JAZF1: variants seen among roughly 807,000 people sequenced by gnomAD.
JAZF1 encodes juxtaposed with another zinc finger protein 1.
JAZF1 carries 8 observed loss-of-function variants against 26.4 expected under a neutral mutation model. The ratio of observed to expected loss-of-function variants is 0.30; its 90% confidence interval spans 0.18 to 0.55. The LOEUF (loss-of-function observed/expected upper bound fraction) is 0.55, where lower values mean the gene tolerates loss of function less well. Ranked by LOEUF, JAZF1 falls within the 20% of genes least tolerant of loss-of-function variation. The pLI, the probability that JAZF1 is intolerant of heterozygous loss-of-function variation, is 0.94. For missense variants in JAZF1, 199 were observed against 322.0 expected (o/e 0.62, Z 2.92); for synonymous variants, 126 against 122.3 (o/e 1.03, Z -0.20).
At chr7:28,106,027 T>C (rs577956938) in intron 1 of JAZF1, among the ~76,000 whole-genome samples, 3 of 152,342 alleles carry the variant, frequency 2.0e-5, no homozygotes, top group South Asian at 2.1e-4. Context: ...CGATCGGTTC[T>C]GCTAGGATCC....
chr7:28,128,383 G>A (rs1468495769), intron 1 of JAZF1, among the ~76,000 whole-genome samples: 3 of 152,164 alleles, frequency 2.0e-5, no homozygotes, highest in African/African-American at 7.2e-5. Flanking sequence ...TTAGCCAGGT[G>A]TGGTGGCACG....
At chr7:27,963,381 T>C (rs1188129059) in intron 2 of JAZF1, among the ~76,000 whole-genome samples, 1 of 152,214 alleles carries the variant, frequency 6.6e-6, no homozygotes, top group Non-Finnish European at 1.5e-5. Context: ...AAAAAACTAC[T>C]CTTTTATTTC....
chr7:27,949,425 A>G (rs1258922010), intron 2 of JAZF1, among the ~76,000 whole-genome samples: 2 of 152,126 alleles, frequency 1.3e-5, no homozygotes, highest in Admixed American at 1.3e-4. Flanking sequence ...CAGGACCCAA[A>G]CTACAAGCAG....
At chr7:27,913,391 C>T in intron 2 of JAZF1, 1 of 459,704 alleles carries the variant, frequency 2.2e-6, no homozygotes, top group Non-Finnish European at 4.5e-6. Flanking sequence ...GAAGGCCATA[C>T]CTTTTGGACA....
At position 28,177,210 on chromosome 7, in the gene JAZF1, G is replaced by C. The variant is rs78955064; in HGVS notation, c.115+3253C>G. 5.1e-4 allele frequency among the ~76,000 whole-genome samples: 78 copies of C among 152,216 alleles called. 1 individual carries two copies. In the East Asian group the frequency reaches 0.012, roughly 23 times the overall value. On this transcript the variant is annotated intron_variant, in intron 1 of 4. Coordinates refer to ENST00000283928, the MANE Select transcript of JAZF1 (RefSeq NM_175061.4). ...TCCAGTACTGAACCAGCAGTGAAAT[G>C]CAAGAAAGAAAACAGGAACACCGGT...
chr7:28,089,192 C>T (rs1784255461), intron 1 of JAZF1, among the ~76,000 whole-genome samples: 1 of 152,128 alleles, frequency 6.6e-6, no homozygotes, highest in Non-Finnish European at 1.5e-5. Flanking sequence ...GGCGATGAGG[C>T]CTTTGGGAGG....
chr7:27,915,117 C>T (rs62451122), intron 2 of JAZF1, among the ~76,000 whole-genome samples: 9,604 of 152,258 alleles, frequency 0.063, 354 homozygotes, highest in South Asian at 0.1. Context: ...ATCTGCTAGA[C>T]TCCCTTCTTT....
At chr7:28,129,115 T>C (rs572645675) in intron 1 of JAZF1, among the ~76,000 whole-genome samples, 148 of 120,732 alleles carry the variant, frequency 1.2e-3, no homozygotes, top group African/African-American at 6.1e-3. Context: ...CTCCCTAGCA[T>C]TGGACAGAGG....
chr7:27,889,300 G>A (rs186845459), intron 3 of JAZF1, among the ~76,000 whole-genome samples: 14 of 152,188 alleles, frequency 9.2e-5, no homozygotes, highest in Admixed American at 5.9e-4. Flanking sequence ...GGGAAATATG[G>A]GGGGAGGGGG....
intron 4 of JAZF1, among the ~76,000 whole-genome samples, chr7:27,837,432 C>T (rs1034026163): frequency 5.9e-5 from 9 of 152,228 alleles, no homozygotes; most frequent in East Asian, 5.8e-4. Flanking sequence ...CACATTTCCC[C>T]GTTCCCATGG....
intron 1 of JAZF1, among the ~76,000 whole-genome samples, chr7:28,030,291 G>A (rs377407836): frequency 2.0e-5 from 3 of 152,166 alleles, no homozygotes; most frequent in East Asian, 1.9e-4. Flanking sequence ...AAATCAATGC[G>A]GACAGGAGTA....
chr7:28,103,505 C>T lies in JAZF1; in HGVS notation c.115+76958G>A, dbSNP rs141629347. 5.4e-3 allele frequency among the ~76,000 whole-genome samples: 829 copies of T among 152,248 alleles called. 7 individuals carry two copies. The highest frequency in any genetic ancestry group is 0.019 in the African/African-American group (782 of 41,526). On this transcript the variant is annotated intron_variant, in intron 1 of 4. Coordinates refer to ENST00000283928, the MANE Select transcript of JAZF1 (RefSeq NM_175061.4). ...CTGAAGATTATCATTTGGCATCCAA[C>T]AGGCATCGCAAACTTAACCTGGCCA... is the stretch of plus-strand genomic sequence containing the variant.
intron 1 of JAZF1, among the ~76,000 whole-genome samples, chr7:28,025,911 G>T (rs1406654265): frequency 6.6e-6 from 1 of 152,190 alleles, no homozygotes; most frequent in Non-Finnish European, 1.5e-5. Context: ...TTGCCAAGGT[G>T]CTGATAAATC....
chr7:28,153,118 C>T (rs1269909471), intron 1 of JAZF1, among the ~76,000 whole-genome samples: 1 of 152,140 alleles, frequency 6.6e-6, no homozygotes, highest in East Asian at 1.9e-4. Flanking sequence ...CTCGAATCAG[C>T]ACCTCCACTA....
chr7:28,073,709 A>G (rs1684924447), intron 1 of JAZF1, among the ~76,000 whole-genome samples: 1 of 151,998 alleles, frequency 6.6e-6, no homozygotes, highest in African/African-American at 2.4e-5. Context: ...CTGGCTGGCA[A>G]CCCCAGGAGG....
At chr7:28,022,341 T>G (rs557543385) in intron 1 of JAZF1, among the ~76,000 whole-genome samples, 1 of 152,312 alleles carries the variant, frequency 6.6e-6, no homozygotes, top group East Asian at 1.9e-4. Flanking sequence ...CTTTTCAAAT[T>G]TCCACCAAAA....
chr7:27,845,114 T>C (rs1782993933), intron 3 of JAZF1, among the ~76,000 whole-genome samples: 1 of 152,178 alleles, frequency 6.6e-6, no homozygotes, highest in South Asian at 2.1e-4. Flanking sequence ...AACAACAAAA[T>C]ATATAAAGTA....
chr7:27,967,473 T>C lies in JAZF1; in HGVS notation c.188+24436A>G, dbSNP rs1341874853. ...ACTAATACTTTTAGTTGTAAAAAGA[T>C]GAAGTAATGTCTTCTTGCCAGCCAT... On this transcript the variant is annotated intron_variant, in intron 2 of 4. Coordinates refer to ENST00000283928, the MANE Select transcript of JAZF1 (RefSeq NM_175061.4). Among the ~76,000 whole-genome samples, 3 of 152,284 alleles carry C rather than the reference T, an allele frequency of 2.0e-5. No homozygotes were observed. The South Asian group carries it at 6.2e-4, about 32-fold the overall frequency.
At chr7:28,093,712 A>G (rs1784338518) in intron 1 of JAZF1, among the ~76,000 whole-genome samples, 2 of 152,154 alleles carry the variant, frequency 1.3e-5, no homozygotes, top group African/African-American at 4.8e-5. Flanking sequence ...GGAAATGAAG[A>G]GAGTGCCACA....
Sources: allele counts gnomAD v4.1 joint callset (sites outside exome capture counted in the v4.1 genomes callset), GRCh38; gene constraint gnomAD v4.1.1; transcripts MANE v1.5; gene names NCBI Gene and HGNC (gene_info 2026-07-23, HGNC 2026-07-21).